Variants in NUDC observed in about 807,000 individuals in gnomAD.
NUDC encodes the protein nuclear distribution C, dynein complex regulator.
NUDC carries 14 observed loss-of-function variants against 45.0 expected under a neutral mutation model. The observed-to-expected ratio is 0.31, with a 90% CI of 0.21 to 0.49. The LOEUF (loss-of-function observed/expected upper bound fraction) is 0.49, where lower values mean the gene tolerates loss of function less well. NUDC is among the 20% of genes least tolerant of loss of function. The probability of loss-of-function intolerance (pLI) is 0.99; values close to 1 mark genes in which losing one functional copy is unlikely to be tolerated. For missense variants in NUDC, 323 were observed against 426.2 expected (o/e 0.76, Z 2.13); for synonymous variants, 153 against 156.7 (o/e 0.98, Z 0.17).
At chr1:26,932,575 G>A (rs1347511168) in intron 2 of NUDC, among the ~76,000 whole-genome samples, 4 of 151,896 alleles carry the variant, frequency 2.6e-5, no homozygotes, top group Non-Finnish European at 5.9e-5. Flanking sequence ...TGCCTGACTC[G>A]GCCTCCCAAA....
intron 1 of NUDC, among the ~76,000 whole-genome samples, chr1:26,901,423 G>C (rs896356904): frequency 3.4e-4 from 9 of 26,388 alleles, no homozygotes; most frequent in Non-Finnish European, 5.3e-4. Context: ...TTTTTTTTTT[G>C]AGATGGAGCC....
upstream of NUDC, among the ~76,000 whole-genome samples, chr1:26,917,691 C>T (rs2311594): frequency 0.19 from 28,398 of 151,938 alleles, 3,455 homozygotes; most frequent in Middle Eastern, 0.31. Context: ...AATTTGAGAC[C>T]GGCCTGGCCA....
intron 2 of NUDC, among the ~76,000 whole-genome samples, chr1:26,925,538 CAAAAAAAAAAAAA>C (rs71010305): frequency 2.3e-5 from 1 of 43,360 alleles, no homozygotes; most frequent in South Asian, 8.6e-4. Flanking sequence ...GACTCCGTCT[CAAAAAAAAAAAAA>C]AAAAAAAAAG....
At chr1:26,900,300 T>C in exon 1 of NUDC, 1 of 1,613,884 alleles carries the variant, frequency 6.2e-7, no homozygotes, top group Non-Finnish European at 8.5e-7. Flanking sequence ...ATGCCGGTAG[T>C]GGAAACAGAG....
At chr1:26,934,214 A>C (rs573896405) in intron 2 of NUDC, among the ~76,000 whole-genome samples, 20 of 152,328 alleles carry the variant, frequency 1.3e-4, no homozygotes, top group South Asian at 1.2e-3. Context: ...GGCCTCAGGA[A>C]ACTTAAAATC....
chr1:26,942,611 T>C (rs1223947494), intron 4 of NUDC, 49 bp from the exon 5 acceptor site: 6 of 1,612,532 alleles, frequency 3.7e-6, no homozygotes, highest in Admixed American at 3.3e-5. Context: ...GGGTTCAATC[T>C]GTGTCTTGTC....
In NUDC at chr1:26,913,613, C is replaced by A; in HGVS notation, c.93+2378C>A. On this transcript the variant is annotated intron_variant, in intron 3 of 6. Coordinates refer to the NUDC transcript ENST00000435827. ...AGTATGCTGGGCACCGGGGCCTCAG[C>A]CACCTCAAAGGTCACAGCATCTTGG... is the stretch of plus-strand genomic sequence containing the variant. The A allele has an allele frequency of 6.2e-7, 1 of 1,614,078 alleles. No individual in the cohort carries two copies. Among genetic ancestry groups the A allele is most frequent in the Non-Finnish European group, 8.5e-7 (1 of 1,180,008 alleles).
Position 26,913,887 on chromosome 1 carries a change from G to A in NUDC, c.93+2652G>A, listed in dbSNP as rs780830830. 13 of 1,487,868 alleles carry A rather than the reference G, an allele frequency of 8.7e-6. No individual in the cohort carries two copies. Among genetic ancestry groups the A allele is most frequent in the Admixed American group, 7.0e-5 (3 of 43,146 alleles). The allele number at this position is 1,487,868 out of a possible 1,614,324, so 92.2% of individuals were successfully genotyped here. On this transcript the variant is annotated intron_variant, in intron 3 of 6. Coordinates refer to the NUDC transcript ENST00000435827. Reference sequence around the variant, plus strand: ...AGCTCAGAAGTGCGTAGAGAATGGCGGGGCGGCTTGCAGCTCCCTGGCATG... The same window carrying A: ...AGCTCAGAAGTGCGTAGAGAATGGCAGGGCGGCTTGCAGCTCCCTGGCATG...
intron 2 of NUDC, among the ~76,000 whole-genome samples, chr1:26,907,324 CT>C (rs1251922662): frequency 6.6e-6 from 1 of 152,236 alleles, no homozygotes; most frequent in African/African-American, 2.4e-5. Flanking sequence ...GTATGTACCC[CT>C]ATCACAGCTC....
At chr1:26,930,836 T>C (rs1361086220) in intron 2 of NUDC, among the ~76,000 whole-genome samples, 1 of 150,956 alleles carries the variant, frequency 6.6e-6, no homozygotes, top group Non-Finnish European at 1.5e-5. Context: ...GGCCAAATGG[T>C]GAAACCTCGT....
At chr1:26,911,182 T>G (rs1273106456) in exon 3 of NUDC, 1 of 470,340 alleles carries the variant, frequency 2.1e-6, no homozygotes, top group Non-Finnish European at 4.4e-6. Context: ...ACTTGTCTGT[T>G]TCAATTCGGG....
rs141620090 is a variant in NUDC, at chr1:26,926,290, T to G, written c.159+2124T>G. On this transcript the variant is annotated intron_variant, in intron 2 of 8. Transcript: ENST00000321265. Reference sequence around the variant, plus strand: ...AGGATTCTAACAAGTTGGTAAACTCTTTAATGTGTCCTGAATGTCTGAGGC... The same window carrying G: ...AGGATTCTAACAAGTTGGTAAACTCGTTAATGTGTCCTGAATGTCTGAGGC... 4.8e-3 allele frequency among the ~76,000 whole-genome samples: 732 copies of G among 152,324 alleles called. 11 individuals carry two copies. The highest frequency in any genetic ancestry group is 0.015 in the African/African-American group (632 of 41,578).
intron 2 of NUDC, among the ~76,000 whole-genome samples, chr1:26,931,817 G>T (rs2082186446): frequency 6.6e-6 from 1 of 150,996 alleles, no homozygotes; most frequent in South Asian, 2.1e-4. Flanking sequence ...CTCCCAAGTA[G>T]CTGGGACTAC....
rs1454674064 is a variant in NUDC at position 26,934,746 on chromosome 1, G to A, written c.160-6711G>A. On this transcript the variant is annotated intron_variant, in intron 2 of 8. Transcript: ENST00000321265. ...GCAATCTGGGCTCACTGCAAGCTCCGCCTCCTGGGTTCACGCCATTCTCCT... is the reference window on the plus strand; with the variant it reads ...GCAATCTGGGCTCACTGCAAGCTCCACCTCCTGGGTTCACGCCATTCTCCT... Among the ~76,000 whole-genome samples, 5 of 150,040 alleles carry A rather than the reference G, an allele frequency of 3.3e-5. No homozygotes were observed. In the South Asian group the frequency reaches 8.4e-4, roughly 25 times the overall value.
chr1:26,921,975 C>T (rs2082095173), intron 1 of NUDC, 46 bp downstream of exon 1: 1 of 1,530,550 alleles, frequency 6.5e-7, no homozygotes, highest in South Asian at 1.2e-5. Context: ...CTTGGCCACG[C>T]TCCTTCCGCC....
rs757796116 is a variant in NUDC at position 26,934,662 on chromosome 1, GT to G, written c.160-6780del. 4.1e-3 allele frequency among the ~76,000 whole-genome samples: 581 copies of G among 142,624 alleles called. 2 individuals are homozygous for G. Among genetic ancestry groups the G allele is most frequent in the African/African-American group, 0.011 (448 of 38,972 alleles). 93.6% of individuals were successfully genotyped at this position (142,624 alleles called of 152,430 possible). A position where few individuals can be genotyped will look rare whatever the true frequency, so the allele number is the denominator to read the frequency against. ...ACTGGGTAATTTATAAAGGACAGAG[GT>G]TTTTTTTTTTTTTTGAGATGGAGTC... On this transcript the variant is annotated intron_variant, in intron 2 of 8. Coordinates refer to ENST00000321265, the MANE Select transcript of NUDC (RefSeq NM_006600.4).
At chr1:26,924,780 T>A (rs2082117720) in intron 2 of NUDC, among the ~76,000 whole-genome samples, 1 of 152,132 alleles carries the variant, frequency 6.6e-6, no homozygotes, top group South Asian at 2.1e-4. Context: ...CTCGAACTCC[T>A]GACCTCATGA....
intron 2 of NUDC, among the ~76,000 whole-genome samples, chr1:26,927,537 A>C (rs1010502015): frequency 2.8e-4 from 43 of 151,252 alleles, no homozygotes; most frequent in African/African-American, 1.0e-3. Flanking sequence ...AGCTGGGATT[A>C]CAGGCGCCCG....
intron 3 of NUDC, among the ~76,000 whole-genome samples, chr1:26,914,204 G>A (rs951583810): frequency 1.3e-5 from 2 of 152,176 alleles, no homozygotes; most frequent in African/African-American, 2.4e-5. Flanking sequence ...GCCACCTGCC[G>A]CTCACTCAGC....
Sources: gnomAD v4.1 joint callset for allele counts (sites outside exome capture counted in the v4.1 genomes callset) on GRCh38, gnomAD v4.1.1 for gene constraint, MANE v1.5 for transcripts, NCBI Gene and HGNC (gene_info 2026-07-23, HGNC 2026-07-21) for gene names.